The following CCNB2 variants were observed in gnomAD, a reference collection of about 807,000 sequenced individuals.
The protein encoded by CCNB2 is cyclin B2.
CCNB2 carries 39 observed loss-of-function variants against 51.1 expected under a neutral mutation model. The observed-to-expected ratio is 0.76, with a 90% CI of 0.59 to 1.00. CCNB2 has a LOEUF of 1.00. Ranked by LOEUF, CCNB2 falls within the 50% of genes least tolerant of loss-of-function variation. CCNB2 has a pLI of 0.00. For missense variants in CCNB2, 472 were observed against 470.3 expected (o/e 1.00, Z -0.03); for synonymous variants, 174 against 165.5 (o/e 1.05, Z -0.40).
intron 3 of CCNB2, among the ~76,000 whole-genome samples, chr15:59,108,535 C>T (rs1355332717): frequency 8.5e-6 from 1 of 117,196 alleles, no homozygotes; most frequent in Non-Finnish European, 1.7e-5. Flanking sequence ...TAGGATGTCT[C>T]AGAATGTCTT....
At position 59,107,588 on chromosome 15, in the gene CCNB2, C is replaced by G; in HGVS notation, c.185C>G (p.Pro62Arg). ...KAQNTKVPVQ[P>R]TKTTNVNKQL... ...CAGAACACCAAAGTTCCAGTTCAAC[C>G]CACCAAAACAACAAATGTCAACAAA... The change falls in exon 3 of 9, where the codon CCC becomes CGC. Residue 62 changes from proline to arginine, a missense_variant. Physicochemically the swap from Pro to Arg is moderately radical, Grantham distance 103. Coordinates refer to ENST00000288207, the MANE Select transcript of CCNB2 (RefSeq NM_004701.4). 6.2e-7 allele frequency: 1 copy of G among 1,614,090 alleles called. No homozygotes were observed.
In CCNB2 at chr15:59,121,189, TTGTG is replaced by T. The variant is rs1177194764; in HGVS notation, c.976-2323_976-2320del. 11 of 152,276 alleles carry T rather than the reference TTGTG, an allele frequency of 7.2e-5. No homozygotes were observed. In the East Asian group the frequency reaches 1.5e-3, roughly 21 times the overall value. 9.4% of individuals were successfully genotyped at this position (152,276 alleles called of 1,614,324 possible). ...TCGCTTTCAAATGGCATAGCAAAAA[TTGTG>T]TGTGAGTATACACAGAGAGGGAGAG... On this transcript the variant is annotated intron_variant, in intron 7 of 8. Transcript: ENST00000288207.
At chr15:59,123,874 A>T in intron 8 of CCNB2, 1 of 417,396 alleles carries the variant, frequency 2.4e-6, no homozygotes. Flanking sequence ...CCCAGATCCC[A>T]GTCAACCAGT....
intron 3 of CCNB2, among the ~76,000 whole-genome samples, chr15:59,108,754 T>C (rs992302597): frequency 2.0e-5 from 3 of 152,120 alleles, no homozygotes; most frequent in African/African-American, 7.2e-5. Context: ...GGAAATGCAG[T>C]TGGAAATGTG....
At chr15:59,118,348 T>C (rs1302390167) in intron 7 of CCNB2, among the ~76,000 whole-genome samples, 1 of 152,226 alleles carries the variant, frequency 6.6e-6, no homozygotes, top group Non-Finnish European at 1.5e-5. Context: ...TCTGCAGTTA[T>C]ACCCTGAGAG....
intron 7 of CCNB2, among the ~76,000 whole-genome samples, chr15:59,119,402 A>C (rs866586257): frequency 1.1e-4 from 17 of 149,620 alleles, no homozygotes; most frequent in Middle Eastern, 3.4e-3. Context: ...TCAAGGCTGA[A>C]GTAGCTATGA....
At position 59,116,817 on chromosome 15, in the gene CCNB2, C is replaced by G; in HGVS notation, c.725C>G (p.Thr242Ser). ...GTTTACATCACAGACAATGCTTATA[C>G]CAGTTCCCAAATCCGAGAAATGGAA... ...DFVYITDNAY[T>S]SSQIREMETL... Residue 242 changes from threonine to serine, a missense_variant, in exon 6 of 9, where the codon ACC becomes AGC. By Grantham distance (58) the Thr-to-Ser change is moderately conservative. Coordinates refer to ENST00000288207, the MANE Select transcript of CCNB2 (RefSeq NM_004701.4). The G allele has an allele frequency of 1.2e-6, 2 of 1,614,118 alleles. No individual in the cohort carries two copies. Among genetic ancestry groups the G allele is most frequent in the Non-Finnish European group, 1.7e-6 (2 of 1,179,942 alleles).
At position 59,124,868 on chromosome 15, in the gene CCNB2, A is replaced by G; in HGVS notation, c.1188A>G (p.Gly396=). ...AAGACCTTGCCTCCCCACTGATAGG[A>G]AGGTCCTAGGCTGCCGTGGCCCCTG... ...AVKDLASPLI[G]RS Residue 396 remains glycine, a synonymous_variant, in exon 9 of 9, where the codon GGA becomes GGG. Coordinates refer to ENST00000288207, the MANE Select transcript of CCNB2 (RefSeq NM_004701.4). 6.3e-7 allele frequency: 1 copy of G among 1,591,106 alleles called. No homozygotes were observed. Among genetic ancestry groups the G allele is most frequent in the South Asian group, 1.2e-5 (1 of 86,914 alleles).
At chr15:59,113,188 G>T (rs1351030461) in intron 3 of CCNB2, among the ~76,000 whole-genome samples, 2 of 152,174 alleles carry the variant, frequency 1.3e-5, no homozygotes, top group Non-Finnish European at 2.9e-5. Context: ...AACTTGCTCA[G>T]TCTTCGCTCC....
At chr15:59,120,588 A>G (rs1032299892) in intron 7 of CCNB2, among the ~76,000 whole-genome samples, 7 of 152,338 alleles carry the variant, frequency 4.6e-5, no homozygotes, top group African/African-American at 1.7e-4. Context: ...TGGGACCATA[A>G]TGACATAAAA....
rs1402535052 is a variant in CCNB2, at chr15:59,116,915, A to G, written c.823A>G (p.Lys275Glu). 6.2e-7 allele frequency: 1 copy of G among 1,613,386 alleles called. No homozygotes were observed. Among genetic ancestry groups the G allele is most frequent in the South Asian group, 1.1e-5 (1 of 91,064 alleles). The change falls in exon 6 of 9, where the codon AAA becomes GAA. Residue 275 changes from lysine to glutamate, a missense_variant. Lys to Glu is a moderately conservative substitution (Grantham distance 56). Coordinates refer to ENST00000288207, the MANE Select transcript of CCNB2 (RefSeq NM_004701.4). ...ACTACACTTCTTAAGGCGAGCATCA[A>G]AAGCCGGGGAGGTAAGTGCCTCCAG... ...LPLHFLRRAS[K>E]AGEVDVEQHT...
chr15:59,105,179 T>C lies in CCNB2; in HGVS notation c.-90T>C. Reference sequence around the variant, plus strand: ...CCAGCGCTGCGGGCTCGGAGAGCAGTCCTAACGGCGCCTCGTACGCTAGTG... The same window carrying C: ...CCAGCGCTGCGGGCTCGGAGAGCAGCCCTAACGGCGCCTCGTACGCTAGTG... On this transcript the variant is annotated 5_prime_UTR_variant, in exon 1 of 9. Transcript: ENST00000288207. 2 of 1,284,234 alleles carry C rather than the reference T, an allele frequency of 1.6e-6. No individual in the cohort carries two copies. Among genetic ancestry groups the C allele is most frequent in the South Asian group, 1.3e-5 (1 of 76,582 alleles). The allele number at this position is 1,284,234 out of a possible 1,614,324, so 79.6% of individuals were successfully genotyped here.
At chr15:59,120,778 T>A (rs28383551) in intron 7 of CCNB2, among the ~76,000 whole-genome samples, 7,489 of 152,272 alleles carry the variant, frequency 0.049, 434 homozygotes, top group African/African-American at 0.14. Context: ...GTGGTCTCAA[T>A]TTATCATCCC....
At chr15:59,108,000 GA>G (rs57263228) in intron 3 of CCNB2, among the ~76,000 whole-genome samples, 5,783 of 146,486 alleles carry the variant, frequency 0.039, 234 homozygotes, top group African/African-American at 0.1. Context: ...CCTTGTCTCT[GA>G]AAAAAAAAAA....
chr15:59,114,349 C>T, intron 3 of CCNB2, 95 bp from the exon 4 acceptor site: 1 of 857,768 alleles, frequency 1.2e-6, no homozygotes, highest in Non-Finnish European at 1.8e-6. Flanking sequence ...TAACATATTT[C>T]AGATGTGCGT....
intron 3 of CCNB2, among the ~76,000 whole-genome samples, chr15:59,112,620 T>C (rs1166666013): frequency 6.6e-5 from 10 of 152,104 alleles, no homozygotes; most frequent in African/African-American, 2.2e-4. Flanking sequence ...GCTGGGATTA[T>C]AGGCGTGAGC....
intron 7 of CCNB2, chr15:59,121,633 A>G (rs982801035): frequency 6.6e-6 from 1 of 152,106 alleles, no homozygotes; most frequent in African/African-American, 2.4e-5. Context: ...TCGCCTCCAC[A>G]AAAAAACAGA....
chr15:59,113,447 A>G (rs1283693528), intron 3 of CCNB2, among the ~76,000 whole-genome samples: 1 of 152,234 alleles, frequency 6.6e-6, no homozygotes, highest in African/African-American at 2.4e-5. Flanking sequence ...AACCAATTAA[A>G]TAAACGTAAG....
intron 7 of CCNB2, among the ~76,000 whole-genome samples, chr15:59,122,239 A>ATTTTTTTT (rs1330208146): frequency 3.3e-4 from 32 of 97,354 alleles, no homozygotes; most frequent in Non-Finnish European, 4.4e-4. Context: ...CAGTTGACAT[A>ATTTTTTTT]TCTTTTTTTT....
Sources: gnomAD v4.1 joint callset for allele counts (sites outside exome capture counted in the v4.1 genomes callset) on GRCh38, gnomAD v4.1.1 for gene constraint, MANE v1.5 for transcripts, NCBI Gene and HGNC (gene_info 2026-07-23, HGNC 2026-07-21) for gene names.